The following XRCC3 variants were observed in gnomAD, a reference collection of about 807,000 sequenced individuals.
The protein encoded by XRCC3 is DNA repair protein XRCC3.
XRCC3 carries 34 observed loss-of-function variants against 29.2 expected under a neutral mutation model. The observed-to-expected ratio is 1.16, with a 90% CI of 0.88 to 1.55. The LOEUF is 1.55. Ranked by LOEUF, XRCC3 falls within the 40% of genes most tolerant of loss-of-function variation. The pLI, the probability that XRCC3 is intolerant of heterozygous loss-of-function variation, is 0.00. For missense variants in XRCC3, 463 were observed against 467.6 expected (o/e 0.99, Z 0.09); for synonymous variants, 223 against 211.3 (o/e 1.06, Z -0.48).
chr14:103,704,839 A>C (rs980668252), intron 6 of XRCC3: 1 of 152,216 alleles, frequency 6.6e-6, no homozygotes, highest in Non-Finnish European at 1.5e-5. Context: ...AAACAAAAAC[A>C]AAAAGACAAG....
chr14:103,707,365 G>T, intron 5 of XRCC3, 150 bp from the exon 6 acceptor site: 1 of 987,088 alleles, frequency 1.0e-6, no homozygotes, highest in Non-Finnish European at 1.5e-6. Context: ...AGGTGCTGAG[G>T]GCAGGGAGGG....
At chr14:103,704,153 C>G (rs1291314411) in intron 6 of XRCC3, 1 of 152,324 alleles carries the variant, frequency 6.6e-6, no homozygotes, top group African/African-American at 2.4e-5. Flanking sequence ...TGCTCCAGCA[C>G]GGATGAACCT....
At chr14:103,699,760 C>T (rs1331440806) in intron 7 of XRCC3, among the ~76,000 whole-genome samples, 184 bp from the exon 8 acceptor site, 1 of 152,166 alleles carries the variant, frequency 6.6e-6, no homozygotes, top group Admixed American at 6.5e-5. Context: ...GAGGCCCCAA[C>T]TATAGAAGCT....
intron 5 of XRCC3, chr14:103,707,771 G>C (rs1447703550): frequency 4.9e-6 from 1 of 204,356 alleles, no homozygotes; most frequent in Non-Finnish European, 1.0e-5. Flanking sequence ...TCAGGGCAAG[G>C]CTCAAGGTGG....
In XRCC3 at chr14:103,697,769, GA is replaced by G. The variant is rs1333214198; in HGVS notation, c.*1028del. 6.6e-6 allele frequency: 1 copy of G among 152,344 alleles called. No homozygotes were observed. Among genetic ancestry groups the G allele is most frequent in the Non-Finnish European group, 1.5e-5 (1 of 68,158 alleles). 9.4% of individuals were successfully genotyped at this position (152,344 alleles called of 1,614,324 possible). A position where few individuals can be genotyped will look rare whatever the true frequency, so the allele number is the denominator to read the frequency against. Reference sequence around the variant, plus strand: ...GCCACGCCACTCTGCCTGCTGGGTGGATATTTCAGCCTGTGCAGCCAGATGT... The same window carrying G: ...GCCACGCCACTCTGCCTGCTGGGTGGTATTTCAGCCTGTGCAGCCAGATGT... On this transcript the variant is annotated 3_prime_UTR_variant, in exon 10 of 10. Coordinates refer to ENST00000555055, the MANE Select transcript of XRCC3 (RefSeq NM_005432.4).
rs936385251 is a variant in XRCC3, at chr14:103,699,010, C to T, written c.829G>A (p.Asp277Asn). 1.9e-6 allele frequency: 3 copies of T among 1,587,268 alleles called. No individual in the cohort carries two copies. The African/African-American group carries it at 4.0e-5, about 21-fold the overall frequency. Residue 277 changes from aspartate to asparagine, a missense_variant, in exon 10 of 10, where the codon GAC becomes AAC. Transcript: ENST00000555055. Reference sequence around the variant, plus strand: ...CCAAGGGCTGGGGAAACACGTTCGTCCCAGAACCTGAGAAACAGGAAGCAG... The same window carrying T: ...CCAAGGGCTGGGGAAACACGTTCGTTCCAGAACCTGAGAAACAGGAAGCAG... ...GAAHGPLGFW[D>N]ERVSPALGIT...
In XRCC3 at chr14:103,707,218, A is replaced by G; in HGVS notation, c.194-3T>C. 1.9e-6 allele frequency: 3 copies of G among 1,548,564 alleles called. No homozygotes were observed. The highest frequency in any genetic ancestry group is 1.4e-5 in the African/African-American group (1 of 73,112). On this transcript the variant is annotated splice_polypyrimidine_tract_variant and splice_region_variant and intron_variant, in intron 5 of 9. Coordinates refer to ENST00000555055, the MANE Select transcript of XRCC3 (RefSeq NM_005432.4). ...CTTCTGCTGGTGCAGCTGCAGTGCT[A>G]AAGGGCAGGGATAGTGTCAGGCCTG...
Position 103,698,904 on chromosome 14 carries a change from G to T in XRCC3, c.935C>A (p.Ala312Asp), listed in dbSNP as rs1360602468. 1.1e-5 allele frequency: 17 copies of T among 1,602,020 alleles called. No individual in the cohort carries two copies. The highest frequency in any genetic ancestry group is 1.2e-5 in the Non-Finnish European group (14 of 1,174,928). The change falls in exon 10 of 10, where the codon GCC becomes GAC. Residue 312 changes from alanine (A) to aspartate (D), a missense_variant. Ala to Asp is a moderately radical substitution (Grantham distance 126). Coordinates refer to ENST00000555055, the MANE Select transcript of XRCC3 (RefSeq NM_005432.4). Reference sequence around the variant, plus strand: ...GGCAGAGAGCACCCGCAGGGTCCGGGCTGGGCAGCCGAGGGCAGCCTCTTC... The same window carrying T: ...GGCAGAGAGCACCCGCAGGGTCCGGTCTGGGCAGCCGAGGGCAGCCTCTTC... ...REEEAALGCPARTLRVLSAPH... is the reference protein window; with the variant it reads ...REEEAALGCPDRTLRVLSAPH...
At chr14:103,704,094 C>G (rs1347292992) in intron 6 of XRCC3, 1 of 152,632 alleles carries the variant, frequency 6.6e-6, no homozygotes, top group Non-Finnish European at 1.5e-5. Flanking sequence ...TGCGGCCCAT[C>G]CTTACAGTGG....
At chr14:103,703,116 C>T in intron 7 of XRCC3, 57 bp downstream of exon 7, 3 of 1,543,712 alleles carry the variant, frequency 1.9e-6, no homozygotes, top group Non-Finnish European at 2.6e-6. Flanking sequence ...CTACACCTGC[C>T]CCAATGGTCC....
chr14:103,701,270 G>T, intron 7 of XRCC3: 1 of 1,520,486 alleles, frequency 6.6e-7, no homozygotes. Context: ...GGGACAGCCA[G>T]GGCGGCAGGG....
At position 103,703,180 on chromosome 14, in the gene XRCC3, G is replaced by A. The variant is rs2151930815; in HGVS notation, c.554C>T (p.Ala185Val). 6.4e-7 allele frequency: 1 copy of A among 1,570,128 alleles called. No homozygotes were observed. The highest frequency in any genetic ancestry group is 2.4e-5 in the East Asian group (1 of 42,552). ...GGCTTCTCCCACACTCACCACATCG[G>A]CCACGTGCTCGATGAAGATCTGGCT... ...FGSQIFIEHV[A>V]DVDTLLECVN... is the part of the protein sequence containing the mutation. Residue 185 changes from alanine (A) to valine (V), a missense_variant, in exon 7 of 10, where the codon GCC becomes GTC. Ala to Val is a moderately conservative substitution (Grantham distance 64). Transcript: ENST00000555055.
At chr14:103,705,052 CGTAA>C (rs1248376891) in intron 6 of XRCC3, 1 of 152,208 alleles carries the variant, frequency 6.6e-6, no homozygotes, top group Non-Finnish European at 1.5e-5. Context: ...GAATTTCAAA[CGTAA>C]AGAAGAGTTG....
chr14:103,714,615 A>C (rs557805596), intron 1 of XRCC3, among the ~76,000 whole-genome samples: 6 of 152,328 alleles, frequency 3.9e-5, no homozygotes, highest in South Asian at 2.1e-4. Flanking sequence ...TGTCTCAAAA[A>C]AAACAATAAA....
rs555023649 is a variant in XRCC3 at position 103,700,911 on chromosome 14, T to G, written c.562-1335A>C. ...TCATGCAAGCCCAAGGGCCACAGAGTGGGGGGGTGGGAATGGCACCAGGCT... is the reference window on the plus strand; with the variant it reads ...TCATGCAAGCCCAAGGGCCACAGAGGGGGGGGGTGGGAATGGCACCAGGCT... On this transcript the variant is annotated intron_variant, in intron 7 of 9. Transcript: ENST00000555055. Among the ~76,000 whole-genome samples the G allele has an allele frequency of 7.2e-5, 11 of 151,904 alleles. No individual in the cohort carries two copies. The East Asian group carries it at 1.2e-3, about 16-fold the overall frequency.
chr14:103,700,093 G>A (rs867375504), intron 7 of XRCC3: 12 of 218,506 alleles, frequency 5.5e-5, no homozygotes, highest in Non-Finnish European at 8.4e-5. Flanking sequence ...CCCTTCAGGC[G>A]TTACTCAGGC....
In XRCC3 at chr14:103,706,548, TC is replaced by T. The variant is rs2083443832; in HGVS notation, c.406+454del. On this transcript the variant is annotated intron_variant, in intron 6 of 9. Transcript: ENST00000555055. Reference sequence around the variant, plus strand: ...GGCAGGCATGCTCTGAACGCTTTAGTCCAATGCAGGGAACCCTCGTTTCACA... The same window carrying T: ...GGCAGGCATGCTCTGAACGCTTTAGTCAATGCAGGGAACCCTCGTTTCACA... The T allele has an allele frequency of 7.7e-6, 3 of 387,138 alleles. No homozygotes were observed. In the Admixed American group the frequency reaches 9.1e-5, roughly 12 times the overall value. The allele number at this position is 387,138 out of a possible 1,614,324, so 24.0% of individuals were successfully genotyped here. A position where few individuals can be genotyped will look rare whatever the true frequency, so the allele number is the denominator to read the frequency against.
chr14:103,711,152 T>C lies in XRCC3; in HGVS notation c.-65A>G. The C allele has an allele frequency of 6.3e-7, 1 of 1,577,804 alleles. No homozygotes were observed. The highest frequency in any genetic ancestry group is 1.7e-5 in the Admixed American group (1 of 59,920). On this transcript the variant is annotated 5_prime_UTR_variant, in exon 4 of 10. Coordinates refer to ENST00000555055, the MANE Select transcript of XRCC3 (RefSeq NM_005432.4). ...GGAAAGACAGAACAATGGATGCAAA[T>C]TCTGAGGCACTCGCCTTCAATTCAA...
Position 103,699,510 on chromosome 14 carries a change from C to T in XRCC3, c.628G>A (p.Val210Met), listed in dbSNP as rs751118907. The change falls in exon 8 of 10, where the codon GTG becomes ATG. Residue 210 changes from valine to methionine, a missense_variant. Physicochemically the swap from Val to Met is conservative, Grantham distance 21. Transcript: ENST00000555055. Reference protein sequence around the residue: ...VLLSRGMARLVVIDSVAAPFR... With the variant: ...VLLSRGMARLMVIDSVAAPFR... ...GGGGCTGCCACCGAGTCGATGACCA[C>T]CAGGCGAGCCATGCCCCGAGACAGC... is the stretch of plus-strand genomic sequence containing the variant. The T allele has an allele frequency of 3.1e-6, 5 of 1,613,144 alleles. No individual in the cohort carries two copies. The highest frequency in any genetic ancestry group is 4.2e-6 in the Non-Finnish European group (5 of 1,179,968).
Sources: gnomAD v4.1 joint callset for allele counts (sites outside exome capture counted in the v4.1 genomes callset) on GRCh38, gnomAD v4.1.1 for gene constraint, MANE v1.5 for transcripts, NCBI Gene and HGNC (gene_info 2026-07-23, HGNC 2026-07-21) for gene names.